The following TENM2 variants were observed in gnomAD, a reference collection of about 807,000 sequenced individuals.
TENM2 encodes the protein teneurin-2.
In TENM2, 52 loss-of-function variants were observed where a neutral mutation model predicts 245.2. The observed-to-expected ratio is 0.21, with a 90% CI of 0.17 to 0.27. TENM2 has a LOEUF of 0.27. Ranked by LOEUF, TENM2 falls within the 10% of genes least tolerant of loss-of-function variation. TENM2 has a pLI of 1.00. For missense variants in TENM2, 3,046 were observed against 3,666.8 expected (o/e 0.83, Z 4.37); for synonymous variants, 1,363 against 1,438.9 (o/e 0.95, Z 1.19).
intron 18 of TENM2, among the ~76,000 whole-genome samples, 152 bp downstream of exon 20, chr5:168,203,984 C>G (rs1762147218): frequency 6.6e-6 from 1 of 151,316 alleles, no homozygotes; most frequent in Non-Finnish European, 1.5e-5. Flanking sequence ...CTACCTTCTT[C>G]TTTTATTATT....
intron 9 of TENM2, among the ~76,000 whole-genome samples, chr5:168,100,411 C>G (rs1261415201): frequency 1.3e-5 from 2 of 150,848 alleles, no homozygotes; most frequent in Non-Finnish European, 2.9e-5. Context: ...ATAAATCATT[C>G]TACTATAAAG....
intron 1 of TENM2, among the ~76,000 whole-genome samples, chr5:167,319,848 T>C (rs566570809): frequency 6.6e-6 from 1 of 152,204 alleles, no homozygotes; most frequent in East Asian, 1.9e-4. Flanking sequence ...GACCAGTTAG[T>C]ATGTATGATA....
intron 2 of TENM2, among the ~76,000 whole-genome samples, chr5:167,599,257 A>G (rs1248368715): frequency 6.6e-6 from 1 of 152,238 alleles, no homozygotes; most frequent in Non-Finnish European, 1.5e-5. Context: ...GAAATCTTCA[A>G]CGACAGAGAA....
the TENM2 span, among the ~76,000 whole-genome samples, chr5:167,275,071 C>A: frequency 6.6e-6 from 1 of 151,644 alleles, no homozygotes; most frequent in African/African-American, 2.4e-5. Context: ...TTGTTTGTTT[C>A]TTTTTCCCTG....
intron 4 of TENM2, among the ~76,000 whole-genome samples, chr5:167,983,193 A>G (rs1325785478): frequency 6.6e-6 from 1 of 152,184 alleles, no homozygotes; most frequent in Non-Finnish European, 1.5e-5. Flanking sequence ...GAAAAAAAAA[A>G]AAGACTCTTC....
At chr5:167,279,781 A>G in the TENM2 span, among the ~76,000 whole-genome samples, 169 of 151,966 alleles carry the variant, frequency 1.1e-3, 2 homozygotes, top group African/African-American at 3.9e-3. Flanking sequence ...TATTTCTTTG[A>G]TGAGACTTTC....
chr5:167,152,166 C>T, the TENM2 span, among the ~76,000 whole-genome samples: 1 of 152,188 alleles, frequency 6.6e-6, no homozygotes, highest in Non-Finnish European at 1.5e-5. Context: ...TATTTATGAA[C>T]CACACATTGT....
intron 25 of TENM2, among the ~76,000 whole-genome samples, chr5:168,242,297 T>C (rs1766168246): frequency 1.3e-5 from 2 of 152,280 alleles, no homozygotes; most frequent in South Asian, 4.1e-4. Flanking sequence ...ATTAGAATTA[T>C]TCCTTGTCCC....
intron 2 of TENM2, among the ~76,000 whole-genome samples, chr5:167,705,109 C>T (rs990252705): frequency 1.3e-5 from 2 of 152,080 alleles, no homozygotes; most frequent in African/African-American, 4.8e-5. Context: ...TACCCCTGGG[C>T]TTTTTGTGCA....
intron 2 of TENM2, among the ~76,000 whole-genome samples, chr5:167,421,289 T>C (rs1763491900): frequency 6.6e-6 from 1 of 152,214 alleles, no homozygotes; most frequent in Non-Finnish European, 1.5e-5. Flanking sequence ...TGAATATTAA[T>C]GGTTGTTTTG....
intron 2 of TENM2, among the ~76,000 whole-genome samples, chr5:167,633,733 C>T (rs1375942201): frequency 1.3e-5 from 2 of 152,022 alleles, no homozygotes; most frequent in Admixed American, 6.6e-5. Context: ...TGACTAATCA[C>T]CTTATGTGAC....
chr5:167,619,798 T>G (rs1483402859), intron 2 of TENM2, among the ~76,000 whole-genome samples: 1 of 152,132 alleles, frequency 6.6e-6, no homozygotes, highest in Non-Finnish European at 1.5e-5. Context: ...TGGGTAAACT[T>G]GCTCACTCTG....
chr5:167,254,958 G>A, the TENM2 span, among the ~76,000 whole-genome samples: 26 of 152,158 alleles, frequency 1.7e-4, no homozygotes, highest in African/African-American at 6.0e-4. Flanking sequence ...TGTGATAACA[G>A]GAGATGTCAG....
rs1011153232 is a variant in TENM2 at position 168,183,477 on chromosome 5, A to G, written c.2570-6860A>G. ...ACAAACTAACTCCCAAGGCAAAACC[A>G]ATCCTATGGTTCCCCCTTTTTACTC... On this transcript the variant is annotated intron_variant, in intron 13 of 28. Transcript: ENST00000518659. Among the ~76,000 whole-genome samples, 6 of 152,264 alleles carry G rather than the reference A, an allele frequency of 3.9e-5. No individual in the cohort carries two copies. The East Asian group carries it at 1.2e-3, about 29-fold the overall frequency.
chr5:167,648,661 T>A (rs1424868721), intron 2 of TENM2, among the ~76,000 whole-genome samples: 2 of 152,204 alleles, frequency 1.3e-5, no homozygotes, highest in African/African-American at 2.4e-5. Flanking sequence ...GTCGGATGGA[T>A]GTCTGTCTGA....
chr5:167,335,604 C>T (rs1326611486), intron 1 of TENM2, among the ~76,000 whole-genome samples: 3 of 151,976 alleles, frequency 2.0e-5, no homozygotes, highest in Non-Finnish European at 2.9e-5. Context: ...AGATGAGACT[C>T]ATCTTTTTTT....
At chr5:167,055,921 A>G in the TENM2 span, among the ~76,000 whole-genome samples, 2 of 151,794 alleles carry the variant, frequency 1.3e-5, no homozygotes, top group Non-Finnish European at 1.5e-5. Context: ...ATTTTATTGC[A>G]TTAGCTAGGT....
chr5:167,596,101 T>C (rs898405433), intron 2 of TENM2, among the ~76,000 whole-genome samples: 1 of 152,210 alleles, frequency 6.6e-6, no homozygotes, highest in African/African-American at 2.4e-5. Context: ...CCTCTTCATA[T>C]GATGGCAAGT....
At chr5:167,947,472 T>C (rs1026615126) in intron 3 of TENM2, among the ~76,000 whole-genome samples, 55 of 152,282 alleles carry the variant, frequency 3.6e-4, no homozygotes, top group African/African-American at 1.3e-3. Context: ...ATCTGGTCAG[T>C]GGCCAAGCAG....
Sources: allele counts gnomAD v4.1 joint callset (sites outside exome capture counted in the v4.1 genomes callset), GRCh38; gene constraint gnomAD v4.1.1; transcripts MANE v1.5; gene names NCBI Gene and HGNC (gene_info 2026-07-23, HGNC 2026-07-21).